Variants in NBPF4 observed in about 807,000 individuals in gnomAD.
The protein encoded by NBPF4 is NBPF member 4, also known as NBPF family member NBPF4.
A neutral mutation model predicts 21.1 loss-of-function variants in NBPF4; 11 were observed. The ratio of observed to expected loss-of-function variants is 0.52; its 90% CI spans 0.33 to 0.86. The LOEUF (loss-of-function observed/expected upper bound fraction) is 0.86. NBPF4 is among the 40% of genes least tolerant of loss of function. The pLI is 0.03. For missense variants in NBPF4, 88 were observed against 265.3 expected (o/e 0.33, Z 4.64); for synonymous variants, 47 against 106.4 (o/e 0.44, Z 3.43).
At chr1:108,257,635 G>A in the NBPF4 span, among the ~76,000 whole-genome samples, 1 of 142,784 alleles carries the variant, frequency 7.0e-6, no homozygotes, top group Non-Finnish European at 1.5e-5. Flanking sequence ...TTTGTTGAAA[G>A]TACATACATT....
chr1:108,264,228 A>C, the NBPF4 span, among the ~76,000 whole-genome samples: 2 of 151,028 alleles, frequency 1.3e-5, no homozygotes, highest in Non-Finnish European at 2.9e-5. Context: ...AAAAAAAAAC[A>C]GGGGTTGCAA....
In NBPF4 at chr1:108,229,099, T is replaced by C. The variant is rs1992354; in HGVS notation, c.1481A>G (p.Gln494Arg). ...GTWSGDLSHH[Q>R]SEVQVSQAQL... ...TGCCTGTGAAACTTGCACCTCTGAC[T>C]GGTGGTGGCTCAAGTCTCCACTCCA... is the stretch of plus-strand genomic sequence containing the variant. Residue 494 changes from glutamine to arginine, a missense_variant, in exon 13 of 15, where the codon CAG (glutamine) becomes CGG (arginine). Physicochemically the swap from Gln to Arg is conservative, Grantham distance 43. Transcript: ENST00000415641. 0.19 allele frequency: 285,436 copies of C among 1,493,680 alleles called. 495 individuals are homozygous for C. The highest frequency in any genetic ancestry group is 0.21 in the Non-Finnish European group (234,036 of 1,096,630). The allele number at this position is 1,493,680 out of a possible 1,614,324, so 92.5% of individuals were successfully genotyped here.
chr1:108,223,632 G>T lies in NBPF4; in HGVS notation c.*73C>A, dbSNP rs911548509. On this transcript the variant is annotated 3_prime_UTR_variant, in exon 15 of 15. Coordinates refer to ENST00000415641, the MANE Select transcript of NBPF4 (RefSeq NM_001143989.3). ...CAGTGAAGGACCCCTGCAGTATTGT[G>T]TTTGGACTTAAACTTGCTTTGCTGT... 22 of 1,369,914 alleles carry T rather than the reference G, an allele frequency of 1.6e-5. No individual in the cohort carries two copies. Among genetic ancestry groups the T allele is most frequent in the Non-Finnish European group, 2.2e-5 (21 of 974,472 alleles). The allele number at this position is 1,369,914 out of a possible 1,614,324, so 84.9% of individuals were successfully genotyped here. A position where few individuals can be genotyped will look rare whatever the true frequency, so the allele number is the denominator to read the frequency against.
the NBPF4 span, among the ~76,000 whole-genome samples, chr1:108,252,741 A>T: frequency 8.1e-6 from 1 of 123,450 alleles, no homozygotes; most frequent in African/African-American, 3.4e-5. Flanking sequence ...TCTCAATTTT[A>T]TTCAGTTCAG....
chr1:108,268,550 C>T, the NBPF4 span, among the ~76,000 whole-genome samples: 43 of 72,408 alleles, frequency 5.9e-4, no homozygotes, highest in African/African-American at 2.5e-3. Flanking sequence ...TATTTAATTT[C>T]TTGTAGGGGT....
intron 14 of NBPF4, among the ~76,000 whole-genome samples, chr1:108,226,408 G>C (rs1558038821): frequency 6.6e-6 from 1 of 150,748 alleles, no homozygotes; most frequent in Non-Finnish European, 1.5e-5. Context: ...CTTGGATGGG[G>C]ACAAGGAGGC....
chr1:108,240,971 G>T lies in NBPF4; in HGVS notation c.472C>A (p.Leu158Ile), dbSNP rs1186245894. 3 of 236,812 alleles carry T rather than the reference G, an allele frequency of 1.3e-5. No individual in the cohort carries two copies. Among genetic ancestry groups the T allele is most frequent in the South Asian group, 1.1e-4 (3 of 27,230 alleles). The allele number at this position is 236,812 out of a possible 1,614,324, so 14.7% of individuals were successfully genotyped here. ...TTACCTGGGCTCAGCTTGTGAACAA[G>T]GTGCTCTGCCAGCCTGTGCCCCTCA... Reference protein sequence around the residue: ...LAEGHRLAEHLVHKLSPENDE... With the variant: ...LAEGHRLAEHIVHKLSPENDE... Residue 158 changes from leucine (L) to isoleucine (I), a missense_variant, in exon 4 of 15, where the codon CTT becomes ATT. Around this residue, in one of 4 missense-constraint regions of NBPF4, gnomAD observed 60 missense variants for 86.5 expected, o/e 0.69. Coordinates refer to ENST00000415641, the MANE Select transcript of NBPF4 (RefSeq NM_001143989.3).
chr1:108,222,793 C>T lies in NBPF4; in HGVS notation c.*912G>A, dbSNP rs1423297870. On this transcript the variant is annotated 3_prime_UTR_variant, in exon 15 of 15. Transcript: ENST00000415641. ...TGTTCTGAAGAAGATCACTAGAATACAGGATATTTATACTATTTCAAACCA... is the reference window on the plus strand; with the variant it reads ...TGTTCTGAAGAAGATCACTAGAATATAGGATATTTATACTATTTCAAACCA... Among the ~76,000 whole-genome samples, 1 of 152,142 alleles carries T rather than the reference C, an allele frequency of 6.6e-6. No homozygotes were observed. The highest frequency in any genetic ancestry group is 1.5e-5 in the Non-Finnish European group (1 of 68,022).
intron 13 of NBPF4, 92 bp downstream of exon 13, chr1:108,228,828 G>T: frequency 1.3e-6 from 1 of 766,258 alleles, no homozygotes; most frequent in Non-Finnish European, 2.2e-6. Flanking sequence ...CCCTGAGGAA[G>T]CATGGGAGGC....
At chr1:108,244,901 GATATATATAT>G (rs1173565670), upstream of NBPF4, among the ~76,000 whole-genome samples, 90 of 12,446 alleles carry the variant, frequency 7.2e-3, 5 homozygotes, top group Admixed American at 0.02. Flanking sequence ...TATTGTTGGA[GATATATATAT>G]ATATATATAT....
chr1:108,266,388 C>T, the NBPF4 span, among the ~76,000 whole-genome samples: 5 of 135,870 alleles, frequency 3.7e-5, no homozygotes, highest in African/African-American at 1.4e-4. Context: ...TCCCAAATTG[C>T]TGGGACTACA....
At chr1:108,256,506 T>C in the NBPF4 span, among the ~76,000 whole-genome samples, 3 of 117,946 alleles carry the variant, frequency 2.5e-5, no homozygotes, top group South Asian at 3.4e-4. Context: ...TTCTTTCTTT[T>C]TTCTCCCTTT....
Position 108,223,275 on chromosome 1 carries a change from G to C in NBPF4, c.*430C>G. The C allele has an allele frequency of 6.0e-6, 1 of 166,390 alleles. No individual in the cohort carries two copies. The highest frequency in any genetic ancestry group is 1.6e-4 in the South Asian group (1 of 6,242). 10.3% of individuals were successfully genotyped at this position (166,390 alleles called of 1,614,324 possible). A position where few individuals can be genotyped will look rare whatever the true frequency, so the allele number is the denominator to read the frequency against. ...TTGAAGGAGACAGGTCAGTTGTCCT[G>C]TTCAATGTTCTACATTCTGCAGTTA... On this transcript the variant is annotated 3_prime_UTR_variant, in exon 15 of 15. Transcript: ENST00000415641.
At chr1:108,247,717 A>AAAAC (rs552779874), upstream of NBPF4, among the ~76,000 whole-genome samples, 50 of 150,584 alleles carry the variant, frequency 3.3e-4, no homozygotes, top group African/African-American at 1.0e-3. Flanking sequence ...ATTAAAAAAC[A>AAAAC]AAACAAACAA....
At chr1:108,226,157 C>T (rs1267299786) in intron 14 of NBPF4, among the ~76,000 whole-genome samples, 1 of 145,840 alleles carries the variant, frequency 6.9e-6, no homozygotes, top group African/African-American at 2.6e-5. Context: ...CCTAGAGGGG[C>T]TCTTAGTGCT....
At chr1:108,228,837 G>A (rs1571325845) in intron 13 of NBPF4, 83 bp downstream of exon 13, 3 of 806,576 alleles carry the variant, frequency 3.7e-6, no homozygotes, top group Middle Eastern at 3.6e-4. Context: ...AGCATGGGAG[G>A]CCCCATTCTC....
At chr1:108,263,270 C>CA in the NBPF4 span, among the ~76,000 whole-genome samples, 9 of 77,258 alleles carry the variant, frequency 1.2e-4, no homozygotes, top group African/African-American at 5.5e-4. Flanking sequence ...GTAGCCAAAA[C>CA]AACCAAGTGG....
Position 108,223,726 on chromosome 1 carries a change from C to A in NBPF4, c.1896G>T (p.Arg632Ser), listed in dbSNP as rs183598697. ...ESAEIPNTAG[R>S]TQRMAG is the part of the protein sequence containing the mutation. ...TCTTTCATCCTGCCATCCTTTGCGTCCTTCCAGCAGTATTTGGTATCTGTA... is the reference window on the plus strand; with the variant it reads ...TCTTTCATCCTGCCATCCTTTGCGTACTTCCAGCAGTATTTGGTATCTGTA... The change falls in exon 15 of 15, where the codon AGG becomes AGT. Residue 632 changes from arginine to serine, a missense_variant. By Grantham distance (110) the Arg-to-Ser change is moderately radical (BLOSUM62 -1). Coordinates refer to ENST00000415641, the MANE Select transcript of NBPF4 (RefSeq NM_001143989.3). 2,681 of 1,560,574 alleles carry A rather than the reference C, an allele frequency of 1.7e-3. 8 individuals are homozygous for A. Among genetic ancestry groups the A allele is most frequent in the Non-Finnish European group, 2.1e-3 (2,415 of 1,152,058 alleles).
the NBPF4 span, among the ~76,000 whole-genome samples, chr1:108,264,383 T>A: frequency 2.9e-5 from 3 of 103,084 alleles, no homozygotes; most frequent in South Asian, 1.1e-3. Flanking sequence ...GCACCCAGAT[T>A]CATAAAACAA....
Sources: allele counts gnomAD v4.1 joint callset (sites outside exome capture counted in the v4.1 genomes callset), GRCh38; gene constraint gnomAD v4.1.1; regional missense constraint gnomAD v4.1.1; transcripts MANE v1.5; gene names NCBI Gene and HGNC (gene_info 2026-07-23, HGNC 2026-07-21).